The following ERBB4 variants were observed in gnomAD, a reference collection of about 807,000 sequenced individuals.
ERBB4 encodes the protein receptor tyrosine-protein kinase erbB-4.
Under a neutral mutation model 158.0 loss-of-function variants are expected in ERBB4, and 42 were observed. The observed-to-expected ratio is 0.27, with a 90% confidence interval of 0.21 to 0.34. The LOEUF (loss-of-function observed/expected upper bound fraction) is 0.34, where lower values mean the gene tolerates loss of function less well. Among genes scored for constraint, ERBB4 ranks in the 10% least tolerant of loss-of-function variants. ERBB4 has a pLI of 1.00. For synonymous variants in ERBB4, 583 were observed against 558.7 expected, an observed-to-expected ratio of 1.04 and a Z score of -0.61; for missense variants, 1,333 against 1,624.1, an observed-to-expected ratio of 0.82 and a Z score of 3.08.
intron 20 of ERBB4, among the ~76,000 whole-genome samples, chr2:211,478,765 T>C (rs950748548): frequency 5.3e-5 from 8 of 152,108 alleles, no homozygotes; most frequent in African/African-American, 1.4e-4. Flanking sequence ...CTAACTCTTA[T>C]GATAAAACAT....
intron 3 of ERBB4, among the ~76,000 whole-genome samples, chr2:211,874,521 T>C (rs963725382): frequency 6.6e-6 from 1 of 152,204 alleles, no homozygotes; most frequent in Non-Finnish European, 1.5e-5. Flanking sequence ...ATATCTCCTT[T>C]GATAAATTAG....
chr2:211,485,055 C>A (rs929931427), intron 20 of ERBB4, among the ~76,000 whole-genome samples: 5 of 152,088 alleles, frequency 3.3e-5, no homozygotes, highest in Non-Finnish European at 7.4e-5. Flanking sequence ...TCAGACCATC[C>A]ACATGGGCCA....
chr2:212,503,018 C>T (rs1052198781), intron 1 of ERBB4, among the ~76,000 whole-genome samples: 4 of 152,244 alleles, frequency 2.6e-5, no homozygotes, highest in Admixed American at 2.0e-4. Flanking sequence ...CCACCTCAAC[C>T]TCCCAAAATG....
chr2:212,537,529 C>G (rs113154756), intron 1 of ERBB4, among the ~76,000 whole-genome samples: 75 of 152,154 alleles, frequency 4.9e-4, no homozygotes, highest in African/African-American at 1.7e-3. Context: ...ACCTGGGGCT[C>G]GAGCTCTCCA....
At chr2:212,447,779 T>TGTGTGTGC (rs2092384436) in intron 1 of ERBB4, among the ~76,000 whole-genome samples, 1 of 145,684 alleles carries the variant, frequency 6.9e-6, no homozygotes, top group Non-Finnish European at 1.5e-5. Flanking sequence ...AAAGATTGTG[T>TGTGTGTGC]GTGTGTGTGT....
chr2:211,558,904 T>C (rs2067310714), intron 20 of ERBB4, among the ~76,000 whole-genome samples: 1 of 152,154 alleles, frequency 6.6e-6, no homozygotes, highest in African/African-American at 2.4e-5. Context: ...TAAATGAGAA[T>C]CAGATACAGT....
chr2:211,658,687 C>T (rs1202182740), intron 15 of ERBB4, among the ~76,000 whole-genome samples: 1 of 152,034 alleles, frequency 6.6e-6, no homozygotes, highest in Non-Finnish European at 1.5e-5. Context: ...TTTAAACTAC[C>T]ATAATAATGA....
Position 211,428,439 on chromosome 2 carries a change from T to A in ERBB4, c.2688A>T (p.Lys896Asn). 1 of 1,594,692 alleles carries A rather than the reference T, an allele frequency of 6.3e-7. No individual in the cohort carries two copies. The highest frequency in any genetic ancestry group is 8.6e-7 in the Non-Finnish European group (1 of 1,163,252). The change falls in exon 22 of 28, where the codon AAA (lysine) becomes AAT (asparagine). Residue 896 changes from lysine (K) to asparagine (N), a missense_variant. Physicochemically the swap from Lys to Asn is moderately conservative, Grantham distance 94. This residue lies in a region of ERBB4 where 314 missense variants were observed against 437.6 expected (regional missense o/e 0.72). Coordinates refer to ENST00000342788, the MANE Select transcript of ERBB4 (RefSeq NM_005235.3). ...TCCAAACGTCACTCTGATGGGTGAA[T>A]TTCCTGTAATGTATACACTCCAGAG... ...WMALECIHYR[K>N]FTHQSDVWSY...
chr2:212,339,568 C>A (rs189957516), intron 1 of ERBB4, among the ~76,000 whole-genome samples: 1 of 152,136 alleles, frequency 6.6e-6, no homozygotes, highest in East Asian at 1.9e-4. Flanking sequence ...CCCACCACTT[C>A]ATTTGCAAAA....
chr2:211,750,292 T>C (rs186117817), intron 5 of ERBB4, among the ~76,000 whole-genome samples: 26 of 152,276 alleles, frequency 1.7e-4, no homozygotes, highest in Admixed American at 1.4e-3. Context: ...AACTAGTTAA[T>C]GAAAGGACTG....
At chr2:211,559,807 C>T (rs1325908722) in intron 20 of ERBB4, among the ~76,000 whole-genome samples, 2 of 152,108 alleles carry the variant, frequency 1.3e-5, no homozygotes, top group Non-Finnish European at 2.9e-5. Flanking sequence ...AAGATAAAAG[C>T]CCACCAATAT....
intron 7 of ERBB4, among the ~76,000 whole-genome samples, chr2:211,717,796 C>T (rs1042233805): frequency 2.0e-5 from 3 of 152,144 alleles, no homozygotes; most frequent in Non-Finnish European, 4.4e-5. Context: ...CATTGCTCTC[C>T]AGCCTGGGTG....
At chr2:211,604,726 T>C (rs2068919829) in intron 19 of ERBB4, among the ~76,000 whole-genome samples, 1 of 152,222 alleles carries the variant, frequency 6.6e-6, no homozygotes. Flanking sequence ...CAAGTCTTGA[T>C]CGACCGACTG....
intron 7 of ERBB4, among the ~76,000 whole-genome samples, chr2:211,718,857 G>A (rs2074006755): frequency 1.3e-5 from 2 of 152,138 alleles, no homozygotes; most frequent in Non-Finnish European, 2.9e-5. Flanking sequence ...AATAATGCAG[G>A]CTTTTAGTGT....
At chr2:212,145,647 G>A (rs1208405093) in intron 1 of ERBB4, among the ~76,000 whole-genome samples, 1 of 148,612 alleles carries the variant, frequency 6.7e-6, no homozygotes, top group African/African-American at 2.5e-5. Context: ...AAGCAATGCA[G>A]GTCACACCTG....
chr2:211,810,926 G>A (rs71422759), intron 3 of ERBB4, among the ~76,000 whole-genome samples: 23,980 of 151,416 alleles, frequency 0.16, 2,039 homozygotes, highest in Middle Eastern at 0.23. Flanking sequence ...CACCCGCCTC[G>A]GCCTCCCAAA....
chr2:211,991,642 A>C (rs1205076442), intron 2 of ERBB4, among the ~76,000 whole-genome samples: 3 of 152,186 alleles, frequency 2.0e-5, no homozygotes, highest in Non-Finnish European at 4.4e-5. Context: ...CGACTATTGT[A>C]AAAATGTTTA....
intron 13 of ERBB4, among the ~76,000 whole-genome samples, chr2:211,677,766 C>T (rs768226448): frequency 1.3e-5 from 2 of 150,424 alleles, no homozygotes; most frequent in South Asian, 2.1e-4. Context: ...CCCAGCTACT[C>T]GGGAGGCTGA....
chr2:211,392,855 C>T (rs924599589), intron 25 of ERBB4, among the ~76,000 whole-genome samples: 5 of 152,022 alleles, frequency 3.3e-5, no homozygotes, highest in Non-Finnish European at 7.4e-5. Flanking sequence ...CAGGGTTTCA[C>T]TATCTTGGCC....
Sources: allele counts gnomAD v4.1 joint callset (sites outside exome capture counted in the v4.1 genomes callset), GRCh38; gene constraint gnomAD v4.1.1; regional missense constraint gnomAD v4.1.1; transcripts MANE v1.5; gene names NCBI Gene and HGNC (gene_info 2026-07-23, HGNC 2026-07-21).